The following MYOCD variants were observed in gnomAD, a reference collection of about 807,000 sequenced individuals.
The protein encoded by MYOCD is myocardin.
In MYOCD, 32 loss-of-function variants were observed where a neutral mutation model predicts 96.1. That is an observed-to-expected ratio of 0.33 (90% CI 0.25 to 0.45). The LOEUF is 0.45. Ranked by LOEUF, MYOCD falls within the 20% of genes least tolerant of loss-of-function variation. MYOCD has a pLI of 1.00. For missense variants in MYOCD, 1,133 were observed against 1,200.6 expected (o/e 0.94, Z 0.83); for synonymous variants, 469 against 469.0 (o/e 1.00, Z 0.00).
intron 7 of MYOCD, among the ~76,000 whole-genome samples, chr17:12,741,370 G>T (rs983501325): frequency 2.0e-5 from 3 of 152,178 alleles, no homozygotes. Context: ...AGTATAAAAA[G>T]AAATGTTATT....
intron 1 of MYOCD, among the ~76,000 whole-genome samples, chr17:12,699,300 T>C (rs1230051355): frequency 6.6e-6 from 1 of 151,974 alleles, no homozygotes; most frequent in African/African-American, 2.4e-5. Context: ...AAGTTTTGTA[T>C]TTTTAGTAGA....
At chr17:12,710,457 G>T in intron 2 of MYOCD, 1 of 940,288 alleles carries the variant, frequency 1.1e-6, no homozygotes, top group South Asian at 4.9e-5. Flanking sequence ...GATACAATGA[G>T]CTGTCTATGA....
intron 1 of MYOCD, among the ~76,000 whole-genome samples, chr17:12,681,104 C>G (rs1484015148): frequency 2.6e-5 from 4 of 152,182 alleles, no homozygotes; most frequent in Non-Finnish European, 5.9e-5. Context: ...AAAGCTGGGA[C>G]TTGATCTCAT....
At chr17:12,673,732 A>T (rs1390978265) in intron 1 of MYOCD, among the ~76,000 whole-genome samples, 2 of 152,152 alleles carry the variant, frequency 1.3e-5, no homozygotes, top group Non-Finnish European at 2.9e-5. Context: ...GGAATAATGG[A>T]TTTGAATATT....
chr17:12,757,714 G>A (rs1235871867), intron 11 of MYOCD, among the ~76,000 whole-genome samples: 8 of 152,038 alleles, frequency 5.3e-5, no homozygotes, highest in African/African-American at 1.4e-4. Context: ...GGCTGCTCTC[G>A]AACTCCTGAC....
intron 1 of MYOCD, 106 bp from the exon 2 acceptor site, chr17:12,705,022 G>C (rs560403443): frequency 4.5e-5 from 32 of 706,490 alleles, no homozygotes; most frequent in African/African-American, 3.3e-4. Flanking sequence ...ATAATTTACA[G>C]AACTCTTTTA....
In MYOCD at chr17:12,724,394, G is replaced by T. The variant is rs187492742; in HGVS notation, c.415+1386G>T. On this transcript the variant is annotated intron_variant, in intron 5 of 13. Transcript: ENST00000425538. ...AATACATGACTTTTTCTCTGAAAAAGAAAGCTGAGCATGTTCTCGCTTTAC... is the reference window on the plus strand; with the variant it reads ...AATACATGACTTTTTCTCTGAAAAATAAAGCTGAGCATGTTCTCGCTTTAC... 2.0e-5 allele frequency among the ~76,000 whole-genome samples: 3 copies of T among 152,246 alleles called. No individual in the cohort carries two copies. The East Asian group carries it at 5.8e-4, about 29-fold the overall frequency.
At chr17:12,727,355 A>G (rs536142175) in intron 5 of MYOCD, among the ~76,000 whole-genome samples, 1 of 152,304 alleles carries the variant, frequency 6.6e-6, no homozygotes, top group East Asian at 1.9e-4. Flanking sequence ...CAGGAATATC[A>G]TAAAGACAGA....
intron 1 of MYOCD, among the ~76,000 whole-genome samples, chr17:12,701,325 T>C (rs1489192677): frequency 1.3e-5 from 2 of 152,088 alleles, no homozygotes; most frequent in African/African-American, 4.8e-5. Flanking sequence ...GGCAGGGGAA[T>C]CGCTTGAACC....
chr17:12,667,575 G>A (rs1567563444), intron 1 of MYOCD, among the ~76,000 whole-genome samples: 1 of 152,230 alleles, frequency 6.6e-6, no homozygotes, highest in Non-Finnish European at 1.5e-5. Context: ...AAGAGAGGAT[G>A]TAGATTTGTT....
At chr17:12,747,214 T>C (rs2032691050) in intron 9 of MYOCD, among the ~76,000 whole-genome samples, 4 of 152,178 alleles carry the variant, frequency 2.6e-5, no homozygotes, top group Admixed American at 2.6e-4. Context: ...AACTGAGGCT[T>C]AAAGCTAAGT....
chr17:12,676,395 A>C (rs960100685), intron 1 of MYOCD, among the ~76,000 whole-genome samples: 1 of 152,192 alleles, frequency 6.6e-6, no homozygotes, highest in African/African-American at 2.4e-5. Flanking sequence ...AAAAGTGCTA[A>C]AGCACATGCA....
intron 2 of MYOCD, among the ~76,000 whole-genome samples, chr17:12,707,519 C>T (rs1248664386): frequency 1.3e-5 from 2 of 151,782 alleles, no homozygotes; most frequent in Non-Finnish European, 2.9e-5. Context: ...TTGTGGCTAA[C>T]ACGGAGAAAA....
At chr17:12,713,262 T>G (rs1030383737) in intron 2 of MYOCD, among the ~76,000 whole-genome samples, 1 of 152,218 alleles carries the variant, frequency 6.6e-6, no homozygotes, top group Non-Finnish European at 1.5e-5. Context: ...AGGGGAGTTA[T>G]TAACACCAAG....
At chr17:12,723,855 T>G (rs573267094) in intron 5 of MYOCD, among the ~76,000 whole-genome samples, 1 of 152,328 alleles carries the variant, frequency 6.6e-6, no homozygotes, top group East Asian at 1.9e-4. Context: ...AAAAAGTAGG[T>G]GTAAGGGCAT....
intron 1 of MYOCD, among the ~76,000 whole-genome samples, chr17:12,682,015 A>T (rs1290794595): frequency 6.6e-6 from 1 of 152,150 alleles, no homozygotes; most frequent in Non-Finnish European, 1.5e-5. Flanking sequence ...CTCCACACAA[A>T]AATCATCCCT....
At chr17:12,679,416 A>C (rs1910314034) in intron 1 of MYOCD, among the ~76,000 whole-genome samples, 1 of 152,234 alleles carries the variant, frequency 6.6e-6, no homozygotes, top group South Asian at 2.1e-4. Context: ...CACATAGATT[A>C]GAGCATGACA....
Position 12,722,887 on chromosome 17 carries a change from G to A in MYOCD, c.294G>A (p.Lys98=), listed in dbSNP as rs1176799581. Residue 98 remains lysine (K), a synonymous_variant, in exon 5 of 14, where the codon AAG becomes AAA. Transcript: ENST00000425538. The part of the protein sequence containing the change: ...AERSIPTAQM[K]LKRARLADDL... ...GGTCCATTCCAACTGCTCAGATGAA[G>A]CTGAAAAGAGCCCGACTCGCCGATG... 3.7e-6 allele frequency: 6 copies of A among 1,613,856 alleles called. No homozygotes were observed. The highest frequency in any genetic ancestry group is 1.7e-5 in the Admixed American group (1 of 59,976).
chr17:12,725,743 T>C (rs1263825095), intron 5 of MYOCD, among the ~76,000 whole-genome samples: 1 of 151,812 alleles, frequency 6.6e-6, no homozygotes, highest in Admixed American at 6.6e-5. Flanking sequence ...ACATACATTT[T>C]TGTTTTGTTT....
Sources: gnomAD v4.1 joint callset for allele counts (sites outside exome capture counted in the v4.1 genomes callset) on GRCh38, gnomAD v4.1.1 for gene constraint, MANE v1.5 for transcripts, NCBI Gene and HGNC (gene_info 2026-07-23, HGNC 2026-07-21) for gene names.